Variants in C2orf76 observed in about 807,000 individuals in gnomAD.
C2orf76 encodes the protein UPF0538 protein C2orf76.
C2orf76 carries 23 observed loss-of-function variants against 16.9 expected under a neutral mutation model. The ratio of observed to expected loss-of-function variants is 1.36; its 90% CI spans 0.98 to 1.93. The LOEUF is 1.93. Among genes scored for constraint, C2orf76 ranks in the 30% most tolerant of loss-of-function variants. The probability of loss-of-function intolerance (pLI) is 0.00; values close to 1 mark genes in which losing one functional copy is unlikely to be tolerated. For synonymous variants in C2orf76, 48 were observed against 52.3 expected, an observed-to-expected ratio of 0.92 and a Z score of 0.35; for missense variants, 152 against 152.6, an observed-to-expected ratio of 1.00 and a Z score of 0.02.
downstream of C2orf76, among the ~76,000 whole-genome samples, chr2:119,299,639 G>A (rs968349306): frequency 5.3e-5 from 8 of 151,942 alleles, no homozygotes; most frequent in Non-Finnish European, 1.2e-4. Flanking sequence ...GGTGGTTGCT[G>A]TTGATACATT....
At chr2:119,316,135 C>A (rs1679165694) in intron 4 of C2orf76, among the ~76,000 whole-genome samples, 1 of 152,092 alleles carries the variant, frequency 6.6e-6, no homozygotes, top group Non-Finnish European at 1.5e-5. Flanking sequence ...GTATATAATA[C>A]ACAAAAATAT....
chr2:119,345,718 GAA>G (rs200249480), intron 1 of C2orf76, among the ~76,000 whole-genome samples: 1 of 151,968 alleles, frequency 6.6e-6, no homozygotes, highest in Non-Finnish European at 1.5e-5. Context: ...AATAGCTGAT[GAA>G]AAAAAGTTTC....
At chr2:119,299,652 T>G (rs1678586773), downstream of C2orf76, among the ~76,000 whole-genome samples, 1 of 152,212 alleles carries the variant, frequency 6.6e-6, no homozygotes, top group Admixed American at 6.5e-5. Flanking sequence ...GATACATTTA[T>G]TTTTGATTTT....
intron 3 of C2orf76, among the ~76,000 whole-genome samples, chr2:119,319,843 G>C (rs1051620768): frequency 2.0e-4 from 31 of 152,146 alleles, no homozygotes; most frequent in Admixed American, 2.0e-3. Flanking sequence ...CGCAGACCGT[G>C]AGGTGGCAGT....
chr2:119,358,285 A>G (rs1680633566), intron 1 of C2orf76, among the ~76,000 whole-genome samples: 2 of 152,090 alleles, frequency 1.3e-5, no homozygotes, highest in South Asian at 4.1e-4. Context: ...TGAACACACA[A>G]ATGGTAAGAA....
chr2:119,329,819 T>C (rs1013021883), intron 2 of C2orf76, among the ~76,000 whole-genome samples: 5 of 152,184 alleles, frequency 3.3e-5, no homozygotes. Flanking sequence ...TACGTTGTTG[T>C]TGTGTTTCTT....
At chr2:119,288,292 G>T in the C2orf76 span, among the ~76,000 whole-genome samples, 2 of 151,850 alleles carry the variant, frequency 1.3e-5, no homozygotes, top group African/African-American at 4.8e-5. Context: ...GAGTAGCTCG[G>T]ACTACAGGCG....
the C2orf76 span, among the ~76,000 whole-genome samples, chr2:119,284,010 C>T: frequency 6.6e-6 from 1 of 152,194 alleles, no homozygotes; most frequent in African/African-American, 2.4e-5. Flanking sequence ...TGCCACCTCC[C>T]TGGTAGAATC....
chr2:119,325,012 G>A (rs746357394), intron 2 of C2orf76, among the ~76,000 whole-genome samples: 6 of 152,040 alleles, frequency 3.9e-5, no homozygotes, highest in Non-Finnish European at 8.8e-5. Context: ...GGAATGGCTG[G>A]ATCATACAAT....
chr2:119,285,099 A>G, the C2orf76 span, among the ~76,000 whole-genome samples: 3 of 152,208 alleles, frequency 2.0e-5, no homozygotes, highest in African/African-American at 7.2e-5. Context: ...GTTGACTTAA[A>G]TAGGGAATAC....
At chr2:119,350,082 C>T (rs1245124818) in intron 1 of C2orf76, among the ~76,000 whole-genome samples, 1 of 131,818 alleles carries the variant, frequency 7.6e-6, no homozygotes, top group Non-Finnish European at 1.7e-5. Flanking sequence ...CCCCGCCCCC[C>T]CACCGTCCCG....
the C2orf76 span, among the ~76,000 whole-genome samples, chr2:119,289,601 G>A: frequency 5.3e-5 from 8 of 151,864 alleles, no homozygotes; most frequent in African/African-American, 1.9e-4. Context: ...CAGGAGAATC[G>A]ATTGAACCCA....
At chr2:119,346,660 T>C (rs757404015) in intron 1 of C2orf76, among the ~76,000 whole-genome samples, 1 of 152,162 alleles carries the variant, frequency 6.6e-6, no homozygotes, top group Non-Finnish European at 1.5e-5. Context: ...AGGTGTCATG[T>C]CTGTGGCTAT....
intron 2 of C2orf76, among the ~76,000 whole-genome samples, chr2:119,322,005 C>A (rs73948651): frequency 0.019 from 2,846 of 150,294 alleles, 82 homozygotes; most frequent in African/African-American, 0.064. Flanking sequence ...TCTAACTCCT[C>A]AAAGACAACA....
intron 1 of C2orf76, among the ~76,000 whole-genome samples, chr2:119,350,620 T>C (rs925498291): frequency 2.0e-4 from 30 of 152,344 alleles, no homozygotes; most frequent in African/African-American, 7.0e-4. Context: ...GCAGCTGCTT[T>C]TTTGGTCCAA....
At chr2:119,362,003 G>A (rs769341716) in intron 1 of C2orf76, among the ~76,000 whole-genome samples, 9 of 152,182 alleles carry the variant, frequency 5.9e-5, no homozygotes, top group Admixed American at 3.9e-4. Flanking sequence ...ATACAGTGGC[G>A]TTTTGAACAA....
At chr2:119,338,264 A>G (rs752962197) in intron 2 of C2orf76, among the ~76,000 whole-genome samples, 5 of 152,188 alleles carry the variant, frequency 3.3e-5, no homozygotes, top group Non-Finnish European at 7.3e-5. Context: ...CAGGACATAT[A>G]ATAGATTTAC....
downstream of C2orf76, among the ~76,000 whole-genome samples, chr2:119,301,161 A>G (rs555603805): frequency 1.7e-4 from 26 of 151,884 alleles, no homozygotes; most frequent in Non-Finnish European, 3.5e-4. Context: ...TCTTAAAATC[A>G]TTTGCTTGTA....
At chr2:119,312,056 TG>T (rs1275499267) in intron 4 of C2orf76, among the ~76,000 whole-genome samples, 2 of 152,142 alleles carry the variant, frequency 1.3e-5, no homozygotes, top group Non-Finnish European at 2.9e-5. Flanking sequence ...TCATCACCTG[TG>T]GTAAGGGTGA....
Sources: allele counts gnomAD v4.1 joint callset (sites outside exome capture counted in the v4.1 genomes callset), GRCh38; gene constraint gnomAD v4.1.1; transcripts MANE v1.5; gene names NCBI Gene and HGNC (gene_info 2026-07-23, HGNC 2026-07-21).